Variants in TMC5 observed in about 807,000 individuals in gnomAD.
The protein encoded by TMC5 is transmembrane channel-like protein 5.
TMC5 carries 86 observed loss-of-function variants against 110.5 expected under a neutral mutation model. The ratio of observed to expected loss-of-function variants is 0.78; its 90% CI spans 0.65 to 0.93. TMC5 has a LOEUF of 0.93. TMC5 is among the 40% of genes least tolerant of loss of function. The pLI, the probability that TMC5 is intolerant of heterozygous loss-of-function variation, is 0.00. For synonymous variants in TMC5, 455 were observed against 439.5 expected (o/e 1.04, Z -0.44); for missense variants, 1,144 against 1,222.8 (o/e 0.94, Z 0.96).
rs183511628 is a variant in TMC5, at chr16:19,474,306, C to T, written c.2090+30C>T. 2.3e-3 allele frequency: 3,653 copies of T among 1,604,828 alleles called. 7 individuals carry two copies. The highest frequency in any genetic ancestry group is 2.7e-3 in the Non-Finnish European group (3,216 of 1,175,064). ...GTGATGTGTCGCGCCCAACACCAGC[C>T]TCTATTTCCACAGAGAGAAGTGGGA... On this transcript the variant is annotated intron_variant, in intron 12 of 21. Coordinates refer to ENST00000542583, the MANE Select transcript of TMC5 (RefSeq NM_001261841.2).
At chr16:19,426,376 C>G (rs1186543524) in intron 1 of TMC5, among the ~76,000 whole-genome samples, 8 of 152,176 alleles carry the variant, frequency 5.3e-5, no homozygotes, top group Non-Finnish European at 1.0e-4. Context: ...TAGGGAGGAT[C>G]CCTAGCCAAA....
chr16:19,447,604 G>A (rs1404076462), intron 4 of TMC5, among the ~76,000 whole-genome samples: 1 of 151,964 alleles, frequency 6.6e-6, no homozygotes, highest in Non-Finnish European at 1.5e-5. Flanking sequence ...TTATTTTTCA[G>A]ACAAAATGCC....
chr16:19,460,677 G>C (rs892889403), intron 6 of TMC5, among the ~76,000 whole-genome samples: 11 of 152,134 alleles, frequency 7.2e-5, no homozygotes, highest in Non-Finnish European at 1.6e-4. Flanking sequence ...TGTGATGGGG[G>C]AAACATGTCT....
chr16:19,497,809 G>C (rs1969094317), intron 21 of TMC5, 111 bp from the exon 22 acceptor site: 1 of 903,794 alleles, frequency 1.1e-6, no homozygotes, highest in Admixed American at 2.3e-5. Context: ...AAAAGGAAGA[G>C]GCAAAGAAGG....
intron 3 of TMC5, among the ~76,000 whole-genome samples, chr16:19,442,308 G>A (rs145637012): frequency 2.4e-4 from 35 of 148,638 alleles, no homozygotes; most frequent in African/African-American, 7.4e-4. Context: ...TCATGTTCAC[G>A]TTGCCAACAA....
chr16:19,440,346 C>T lies in TMC5; in HGVS notation c.308C>T (p.Thr103Ile). Residue 103 changes from threonine to isoleucine, a missense_variant, in exon 3 of 22, where the codon ACC (threonine) becomes ATC (isoleucine). Physicochemically the swap from Thr to Ile is moderately conservative, Grantham distance 89 (BLOSUM62 -1). Coordinates refer to ENST00000542583, the MANE Select transcript of TMC5 (RefSeq NM_001261841.2). The stretch of plus-strand genomic sequence containing the variant: ...TCTAGAACAAGCCCAGACCATCCTA[C>T]CTCTCTACCAGAGCCAGATTATAGT... ...AASRTSPDHP[T>I]SLPEPDYSEF... 6.2e-7 allele frequency: 1 copy of T among 1,614,118 alleles called. No individual in the cohort carries two copies.
chr16:19,436,721 A>G (rs762822641), intron 2 of TMC5, among the ~76,000 whole-genome samples: 4 of 152,194 alleles, frequency 2.6e-5, no homozygotes, highest in Admixed American at 6.5e-5. Context: ...AGCTGCCTTC[A>G]GGTTTGGCTG....
chr16:19,463,747 G>A (rs1167522749), intron 7 of TMC5, 29 bp from the exon 8 acceptor site: 1 of 1,608,500 alleles, frequency 6.2e-7, no homozygotes, highest in Admixed American at 1.7e-5. Flanking sequence ...TCAACAGCAA[G>A]CCACACCTGC....
chr16:19,436,273 G>GAAAA lies in TMC5; in HGVS notation c.-79-3679_-79-3676dup, dbSNP rs750838547. Among the ~76,000 whole-genome samples, 52 of 107,592 alleles carry GAAAA rather than the reference G, an allele frequency of 4.8e-4. 3 individuals carry two copies. The highest frequency in any genetic ancestry group is 5.3e-3 in the Middle Eastern group (1 of 188). 70.6% of individuals were successfully genotyped at this position (107,592 alleles called of 152,430 possible). A position where few individuals can be genotyped will look rare whatever the true frequency, so the allele number is the denominator to read the frequency against. On this transcript the variant is annotated intron_variant, in intron 2 of 21. Transcript: ENST00000542583. ...AAAGAGCAAAAGTTCGTCTCAAAAA[G>GAAAA]AAAAAAAAAAAGAAAGGAAAAAGAA...
rs748810233 is a variant in TMC5 at position 19,463,909 on chromosome 16, T to C, written c.1370T>C (p.Leu457Ser). ...TATTTCAACTTTCTGAGATGGCTTT[T>C]GAAGTTCAACATTTTCTCATTCATC... ...LSYFNFLRWL[L>S]KFNIFSFILN... The change falls in exon 8 of 22, where the codon TTG becomes TCG. Residue 457 changes from leucine to serine, a missense_variant. Leu to Ser is a moderately radical substitution (Grantham distance 145). Coordinates refer to ENST00000542583, the MANE Select transcript of TMC5 (RefSeq NM_001261841.2). 1 of 1,614,228 alleles carries C rather than the reference T, an allele frequency of 6.2e-7. No individual in the cohort carries two copies. The highest frequency in any genetic ancestry group is 1.1e-5 in the South Asian group (1 of 91,088).
At chr16:19,462,257 G>A (rs1968042490) in intron 6 of TMC5, among the ~76,000 whole-genome samples, 1 of 152,110 alleles carries the variant, frequency 6.6e-6, no homozygotes, top group Non-Finnish European at 1.5e-5. Context: ...TGTGGGGGCT[G>A]TTTTGTTCAT....
chr16:19,463,411 G>A (rs767794093), intron 7 of TMC5, 44 bp downstream of exon 7: 89 of 1,459,036 alleles, frequency 6.1e-5, no homozygotes, highest in Non-Finnish European at 8.1e-5. Context: ...AAAACAGGGA[G>A]GGAGGAGAGT....
rs545719597 is a variant in TMC5, at chr16:19,441,058, A to T, written c.788+232A>T. Among the ~76,000 whole-genome samples, 5 of 152,252 alleles carry T rather than the reference A, an allele frequency of 3.3e-5. No individual in the cohort carries two copies. In the East Asian group the frequency reaches 9.7e-4, roughly 29 times the overall value. ...TAATCTTTCACCATCTCTTCCTTGGATCACCTTCCCATTATCCCACCTCTT... is the reference window on the plus strand; with the variant it reads ...TAATCTTTCACCATCTCTTCCTTGGTTCACCTTCCCATTATCCCACCTCTT... On this transcript the variant is annotated intron_variant, in intron 3 of 21. Coordinates refer to ENST00000542583, the MANE Select transcript of TMC5 (RefSeq NM_001261841.2).
chr16:19,441,204 G>A (rs983708705), intron 3 of TMC5, among the ~76,000 whole-genome samples: 1 of 151,840 alleles, frequency 6.6e-6, no homozygotes. Context: ...CATCAACAGT[G>A]ATGAATTGTT....
intron 1 of TMC5, among the ~76,000 whole-genome samples, chr16:19,426,690 A>G (rs754809858): frequency 2.6e-5 from 4 of 152,122 alleles, no homozygotes; most frequent in Non-Finnish European, 5.9e-5. Flanking sequence ...CCACAAACCC[A>G]CTTTTTGTTT....
intron 14 of TMC5, 43 bp from the exon 15 acceptor site, chr16:19,481,327 T>A: frequency 1.5e-6 from 2 of 1,334,678 alleles, no homozygotes; most frequent in Non-Finnish European, 2.2e-6. Flanking sequence ...CTTCTGAAAG[T>A]GGGAGTTATG....
chr16:19,462,488 C>A (rs1389286662), intron 6 of TMC5: 1 of 700,902 alleles, frequency 1.4e-6, no homozygotes, highest in Admixed American at 2.0e-5. Context: ...TTAATGGACT[C>A]ACTGTTCCAC....
At chr16:19,449,699 G>T in intron 5 of TMC5, 68 bp downstream of exon 5, 1 of 1,408,146 alleles carries the variant, frequency 7.1e-7, no homozygotes, top group South Asian at 1.2e-5. Flanking sequence ...CCCATGTGTC[G>T]GGGGAGAGAC....
chr16:19,464,051 A>T (rs746424461), intron 8 of TMC5, 27 bp downstream of exon 8: 1 of 1,607,952 alleles, frequency 6.2e-7, no homozygotes, highest in Non-Finnish European at 8.5e-7. Flanking sequence ...CCCTACCCCA[A>T]GTGCACCAAT....
Sources: gnomAD v4.1 joint callset for allele counts (sites outside exome capture counted in the v4.1 genomes callset) on GRCh38, gnomAD v4.1.1 for gene constraint, MANE v1.5 for transcripts, NCBI Gene and HGNC (gene_info 2026-07-23, HGNC 2026-07-21) for gene names.